Variants in NMT1 observed in about 807,000 individuals in gnomAD.
NMT1 encodes the protein glycylpeptide N-tetradecanoyltransferase 1.
In NMT1, 12 loss-of-function variants were observed where a neutral mutation model predicts 63.4. The observed-to-expected ratio is 0.19, with a 90% CI of 0.12 to 0.31. NMT1 has a LOEUF of 0.31. Among genes scored for constraint, NMT1 ranks in the 10% least tolerant of loss-of-function variants. The probability of loss-of-function intolerance (pLI) is 1.00; values close to 1 mark genes in which losing one functional copy is unlikely to be tolerated. For missense variants in NMT1, 432 were observed against 634.6 expected, an observed-to-expected ratio of 0.68 and a Z score of 3.43; for synonymous variants, 228 against 234.3, an observed-to-expected ratio of 0.97 and a Z score of 0.25.
In NMT1 at chr17:45,093,679, T is replaced by G. The variant is rs1298884094; in HGVS notation, c.386-6T>G. On this transcript the variant is annotated splice_region_variant and splice_polypyrimidine_tract_variant and intron_variant, in intron 3 of 11. Transcript: ENST00000258960. ...GGTGAGGCTCACAGCTGTGCTCTTC[T>G]TTCAGGCGAAGTGGTGAACACCCAT... 2 of 1,613,620 alleles carry G rather than the reference T, an allele frequency of 1.2e-6. No homozygotes were observed. Among genetic ancestry groups the G allele is most frequent in the South Asian group, 2.2e-5 (2 of 91,072 alleles).
At chr17:45,072,653 G>A (rs933434055) in intron 1 of NMT1, among the ~76,000 whole-genome samples, 28 of 148,992 alleles carry the variant, frequency 1.9e-4, no homozygotes, top group Non-Finnish European at 3.4e-4. Context: ...TCCGCCTCCC[G>A]GGTTCACGCC....
In NMT1 at chr17:45,108,528, C is replaced by T. The variant is rs546676595; in HGVS notation, c.*2889C>T. ...GTCCCTGTGGTCCTGAATTCTTTCC[C>T]CAAAGACGACCAGCATTTAACCAAC... On this transcript the variant is annotated 3_prime_UTR_variant, in exon 12 of 12. Coordinates refer to ENST00000258960, the MANE Select transcript of NMT1 (RefSeq NM_021079.5). 6.5e-6 allele frequency: 1 copy of T among 152,764 alleles called. No homozygotes were observed. The highest frequency in any genetic ancestry group is 1.9e-4 in the East Asian group (1 of 5,180). The allele number at this position is 152,764 out of a possible 1,614,324, so 9.5% of individuals were successfully genotyped here.
intron 2 of NMT1, among the ~76,000 whole-genome samples, chr17:45,085,716 C>T (rs1202008160): frequency 2.0e-5 from 3 of 152,174 alleles, no homozygotes; most frequent in African/African-American, 7.2e-5. Context: ...GCAGCACCCA[C>T]CCATCATATA....
At chr17:45,076,287 T>G (rs940529725) in intron 1 of NMT1, among the ~76,000 whole-genome samples, 1 of 152,086 alleles carries the variant, frequency 6.6e-6, no homozygotes, top group Non-Finnish European at 1.5e-5. Context: ...AAAATTATTA[T>G]AATTACCATG....
chr17:45,080,805 C>G (rs2054012773), intron 1 of NMT1, among the ~76,000 whole-genome samples: 1 of 151,748 alleles, frequency 6.6e-6, no homozygotes, highest in Admixed American at 6.6e-5. Flanking sequence ...CTGTCTCTGT[C>G]ATACAGGCTG....
intron 1 of NMT1, among the ~76,000 whole-genome samples, chr17:45,067,823 G>A (rs2053912683): frequency 6.6e-6 from 1 of 152,190 alleles, no homozygotes; most frequent in Non-Finnish European, 1.5e-5. Flanking sequence ...AAAGAGAAGA[G>A]ACTGGAAAGC....
chr17:45,095,579 A>G (rs2054119884), intron 4 of NMT1, among the ~76,000 whole-genome samples: 1 of 152,184 alleles, frequency 6.6e-6, no homozygotes, highest in South Asian at 2.1e-4. Flanking sequence ...AGCCGGGTCA[A>G]TATAGTGAGA....
At position 45,105,590 on chromosome 17, in the gene NMT1, G is replaced by T. The variant is rs766553169; in HGVS notation, c.1471-29G>T. Reference sequence around the variant, plus strand: ...GAGTCTTTGGGCCACTGTCAACTCAGCTCTGCCTCTCCCTGTTGGCTTTCC... The same window carrying T: ...GAGTCTTTGGGCCACTGTCAACTCATCTCTGCCTCTCCCTGTTGGCTTTCC... On this transcript the variant is annotated intron_variant, in intron 11 of 11. Transcript: ENST00000258960. The surrounding 1 kb of genome is among the most constrained non-coding windows in gnomAD (Gnocchi z 4.2). 3 of 1,612,910 alleles carry T rather than the reference G, an allele frequency of 1.9e-6. No homozygotes were observed. In the African/African-American group the frequency reaches 4.0e-5, roughly 22 times the overall value.
chr17:45,065,732 GTTTT>G (rs2053898719), intron 1 of NMT1, among the ~76,000 whole-genome samples: 1 of 150,832 alleles, frequency 6.6e-6, no homozygotes, highest in Non-Finnish European at 1.5e-5. Flanking sequence ...TTCTTGAAAT[GTTTT>G]TTGTCTTAAT....
chr17:45,098,985 T>C (rs1457688191), intron 7 of NMT1: 3 of 229,498 alleles, frequency 1.3e-5, no homozygotes, highest in African/African-American at 6.7e-5. Context: ...AGAAAGTTGT[T>C]TAAAACAATT....
intron 8 of NMT1, among the ~76,000 whole-genome samples, chr17:45,102,272 CTG>C (rs2054171275): frequency 6.6e-6 from 1 of 152,250 alleles, no homozygotes; most frequent in African/African-American, 2.4e-5. Flanking sequence ...ATCTGAGCCT[CTG>C]GGGATGTTCT....
Position 45,103,892 on chromosome 17 carries a change from G to A in NMT1, c.1332+16G>A. ...CGCCAAAATGGTGAGGAGCAGACGG[G>A]GGGGTCTCTGGAGATGTGCAGGGAA... On this transcript the variant is annotated intron_variant, in intron 10 of 11. Transcript: ENST00000258960. This position sits in a 1 kb window ranked among gnomAD's most constrained non-coding sequence, Gnocchi z 4.8. 1 of 1,612,594 alleles carries A rather than the reference G, an allele frequency of 6.2e-7. No homozygotes were observed. The highest frequency in any genetic ancestry group is 1.3e-5 in the African/African-American group (1 of 75,032).
At chr17:45,098,587 G>C (rs372333025) in intron 7 of NMT1, 35 bp downstream of exon 7, 2 of 1,601,458 alleles carry the variant, frequency 1.2e-6, no homozygotes, top group Non-Finnish European at 1.7e-6. Context: ...CCAAAAATGC[G>C]GGTGTCTGCA....
chr17:45,061,537 G>C, intron 1 of NMT1, 77 bp downstream of exon 1: 1 of 1,353,788 alleles, frequency 7.4e-7, no homozygotes, highest in Non-Finnish European at 1.0e-6. Flanking sequence ...AAGTCACCGG[G>C]AGCTTAGTCT....
At chr17:45,084,699 C>T (rs889835570) in intron 2 of NMT1, among the ~76,000 whole-genome samples, 1 of 149,934 alleles carries the variant, frequency 6.7e-6, no homozygotes, top group African/African-American at 2.5e-5. Context: ...AACTCCTGGG[C>T]TTAAGCAGTC....
intron 1 of NMT1, among the ~76,000 whole-genome samples, chr17:45,072,856 G>C: frequency 6.6e-6 from 1 of 152,026 alleles, no homozygotes; most frequent in Non-Finnish European, 1.5e-5. Flanking sequence ...ACCGCGCCTG[G>C]CCTATTTTTT....
chr17:45,100,274 C>T (rs947916226), intron 8 of NMT1, among the ~76,000 whole-genome samples: 1 of 151,640 alleles, frequency 6.6e-6, no homozygotes, highest in Non-Finnish European at 1.5e-5. Context: ...TTTATAGAAA[C>T]GGGGTTTTGC....
In NMT1 at chr17:45,104,162, G is replaced by A; in HGVS notation, c.1332+286G>A. The A allele has an allele frequency of 1.5e-6, 2 of 1,321,992 alleles. No homozygotes were observed. Among genetic ancestry groups the A allele is most frequent in the Admixed American group, 6.2e-5 (2 of 32,224 alleles). The allele number at this position is 1,321,992 out of a possible 1,614,324, so 81.9% of individuals were successfully genotyped here. On this transcript the variant is annotated intron_variant, in intron 10 of 11. Coordinates refer to ENST00000258960, the MANE Select transcript of NMT1 (RefSeq NM_021079.5). This position sits in a 1 kb window ranked among gnomAD's most constrained non-coding sequence, Gnocchi z 4.2. The stretch of plus-strand genomic sequence containing the variant: ...GCCTGAATAGCCAGGCCTTCCCTGG[G>A]AGGACAGGGCTTCTCCTCACAGCTT...
rs76004777 is a variant in NMT1, at chr17:45,077,804, A to G, written c.132-3840A>G. Reference sequence around the variant, plus strand: ...TAGGCTGCAGATGGTCCTGTGTGCAATAACAAAATTGAGTTACTAAGAAGA... The same window carrying G: ...TAGGCTGCAGATGGTCCTGTGTGCAGTAACAAAATTGAGTTACTAAGAAGA... On this transcript the variant is annotated intron_variant, in intron 1 of 11. Coordinates refer to ENST00000258960, the MANE Select transcript of NMT1 (RefSeq NM_021079.5). Among the ~76,000 whole-genome samples the G allele has an allele frequency of 5.7e-3, 861 of 152,352 alleles. 5 individuals are homozygous for G. Among genetic ancestry groups the G allele is most frequent in the Non-Finnish European group, 1.0e-2 (679 of 68,040 alleles).
Sources: gnomAD v4.1 joint callset for allele counts (sites outside exome capture counted in the v4.1 genomes callset) on GRCh38, gnomAD v4.1.1 for gene constraint, Gnocchi (gnomAD v3.1) non-coding constraint, MANE v1.5 for transcripts, NCBI Gene and HGNC (gene_info 2026-07-23, HGNC 2026-07-21) for gene names.